Variants in DSCAM observed in about 807,000 individuals in gnomAD.
DSCAM encodes the protein DS cell adhesion molecule.
Under a neutral mutation model 217.7 loss-of-function variants are expected in DSCAM, and 47 were observed. The observed-to-expected ratio is 0.22, with a 90% CI of 0.17 to 0.28. DSCAM has a LOEUF of 0.28. DSCAM is among the 10% of genes least tolerant of loss of function. The pLI is 1.00. For synonymous variants in DSCAM, 1,056 were observed against 1,015.3 expected (o/e 1.04, Z -0.76); for missense variants, 2,080 against 2,618.3 (o/e 0.79, Z 4.49).
At chr21:40,483,278 A>G (rs919537793) in intron 3 of DSCAM, among the ~76,000 whole-genome samples, 1 of 152,240 alleles carries the variant, frequency 6.6e-6, no homozygotes, top group Admixed American at 6.5e-5. Flanking sequence ...GTGAGATTTT[A>G]CTTTCATTTC....
intron 20 of DSCAM, among the ~76,000 whole-genome samples, chr21:40,103,406 A>C (rs1001830997): frequency 1.3e-5 from 2 of 152,216 alleles, no homozygotes; most frequent in Non-Finnish European, 2.9e-5. Flanking sequence ...TAGAATGCTT[A>C]ACATCTTCTT....
At chr21:40,192,620 A>T (rs55968327) in intron 11 of DSCAM, among the ~76,000 whole-genome samples, 1 of 152,078 alleles carries the variant, frequency 6.6e-6, no homozygotes, top group Non-Finnish European at 1.5e-5. Flanking sequence ...CTAACACAAT[A>T]CCCGTATTAC....
intron 3 of DSCAM, among the ~76,000 whole-genome samples, chr21:40,422,535 A>T (rs1601630796): frequency 6.6e-6 from 1 of 152,176 alleles, no homozygotes; most frequent in Non-Finnish European, 1.5e-5. Context: ...CCAGCTACTC[A>T]GGAGGCTGAG....
chr21:40,747,595 A>C (rs1466398052), intron 1 of DSCAM, among the ~76,000 whole-genome samples: 1 of 151,858 alleles, frequency 6.6e-6, no homozygotes, highest in Non-Finnish European at 1.5e-5. Context: ...CCCAAGACTT[A>C]ATGGTATCAC....
chr21:40,617,957 A>G (rs1370199867), intron 3 of DSCAM, among the ~76,000 whole-genome samples: 2 of 152,234 alleles, frequency 1.3e-5, no homozygotes, highest in African/African-American at 4.8e-5. Flanking sequence ...CCACTTTGCA[A>G]CACACTTGGG....
At chr21:40,230,211 G>T (rs897428738) in intron 11 of DSCAM, among the ~76,000 whole-genome samples, 5 of 152,308 alleles carry the variant, frequency 3.3e-5, no homozygotes, top group Admixed American at 3.3e-4. Context: ...AATGGAATGG[G>T]TGAAGAAGTG....
At chr21:40,196,961 G>A (rs144689215) in intron 11 of DSCAM, among the ~76,000 whole-genome samples, 5 of 152,290 alleles carry the variant, frequency 3.3e-5, no homozygotes, top group Middle Eastern at 3.4e-3. Context: ...AATTGGATTT[G>A]CATCTATATT....
At chr21:40,094,226 C>G (rs969743781) in intron 20 of DSCAM, among the ~76,000 whole-genome samples, 1 of 152,154 alleles carries the variant, frequency 6.6e-6, no homozygotes, top group Non-Finnish European at 1.5e-5. Flanking sequence ...GTTCTAAAAG[C>G]ATTGCACATC....
intron 3 of DSCAM, among the ~76,000 whole-genome samples, chr21:40,576,184 C>T (rs1011599170): frequency 4.6e-5 from 7 of 152,164 alleles, no homozygotes; most frequent in Non-Finnish European, 1.0e-4. Context: ...TAGTCAATCC[C>T]TGGAAACAGC....
chr21:40,785,621 C>T (rs2091586511), intron 1 of DSCAM, among the ~76,000 whole-genome samples: 1 of 152,244 alleles, frequency 6.6e-6, no homozygotes, highest in Non-Finnish European at 1.5e-5. Flanking sequence ...CCGCCAACCT[C>T]TGGGATGTGG....
chr21:40,288,407 G>A (rs1342367695), intron 10 of DSCAM, among the ~76,000 whole-genome samples: 1 of 152,110 alleles, frequency 6.6e-6, no homozygotes, highest in Non-Finnish European at 1.5e-5. Flanking sequence ...TTGGAAACTT[G>A]ATAAAGTTAT....
At chr21:40,182,255 G>A (rs2090812564) in intron 14 of DSCAM, among the ~76,000 whole-genome samples, 1 of 152,148 alleles carries the variant, frequency 6.6e-6, no homozygotes, top group African/African-American at 2.4e-5. Flanking sequence ...ATAGGAGGAG[G>A]TGTGGGGACA....
intron 27 of DSCAM, among the ~76,000 whole-genome samples, chr21:40,072,985 G>C (rs578211422): frequency 6.6e-6 from 1 of 152,242 alleles, no homozygotes; most frequent in South Asian, 2.1e-4. Flanking sequence ...CCAGCCCCAG[G>C]ATGTTTTCTG....
At chr21:40,194,186 A>G (rs1300809450) in intron 11 of DSCAM, among the ~76,000 whole-genome samples, 1 of 152,172 alleles carries the variant, frequency 6.6e-6, no homozygotes, top group Non-Finnish European at 1.5e-5. Flanking sequence ...GTGCCCTACT[A>G]AAATGGGTAT....
At chr21:40,064,221 A>G (rs543666730) in intron 27 of DSCAM, among the ~76,000 whole-genome samples, 2 of 152,128 alleles carry the variant, frequency 1.3e-5, no homozygotes, top group South Asian at 4.2e-4. Context: ...AGAAGCCTGG[A>G]CTTAATTAGC....
intron 17 of DSCAM, among the ~76,000 whole-genome samples, chr21:40,143,608 G>T (rs995877378): frequency 2.0e-5 from 3 of 152,160 alleles, no homozygotes; most frequent in Admixed American, 2.0e-4. Context: ...TGGCTAACAC[G>T]GTGAAAACCC....
intron 11 of DSCAM, among the ~76,000 whole-genome samples, chr21:40,259,152 A>G (rs1365462579): frequency 2.0e-5 from 3 of 152,252 alleles, no homozygotes; most frequent in African/African-American, 4.8e-5. Context: ...TAAAAGAGAA[A>G]ACGCTTACAC....
intron 1 of DSCAM, among the ~76,000 whole-genome samples, chr21:40,830,198 G>A (rs1236879493): frequency 6.6e-6 from 1 of 152,168 alleles, no homozygotes; most frequent in Non-Finnish European, 1.5e-5. Flanking sequence ...GCCTCAAGAA[G>A]CTTACACTCA....
At chr21:40,511,739 C>T (rs1427896517) in intron 3 of DSCAM, among the ~76,000 whole-genome samples, 1 of 152,036 alleles carries the variant, frequency 6.6e-6, no homozygotes, top group Admixed American at 6.6e-5. Context: ...CGCCTGTAAT[C>T]CCAGCACTTT....
Sources: allele counts gnomAD v4.1 joint callset (sites outside exome capture counted in the v4.1 genomes callset), GRCh38; gene constraint gnomAD v4.1.1; transcripts MANE v1.5; gene names NCBI Gene and HGNC (gene_info 2026-07-23, HGNC 2026-07-21).